FHIT: variants seen among roughly 807,000 people sequenced by gnomAD.
The protein encoded by FHIT is bis(5'-adenosyl)-triphosphatase.
Under a neutral mutation model 17.9 loss-of-function variants are expected in FHIT, and 19 were observed. The ratio of observed to expected loss-of-function variants is 1.06; its 90% CI spans 0.74 to 1.56. The LOEUF is 1.56. Among genes scored for constraint, FHIT ranks in the 40% most tolerant of loss-of-function variants. The pLI, the probability that FHIT is intolerant of heterozygous loss-of-function variation, is 0.00. For missense variants in FHIT, 248 were observed against 189.2 expected, an observed-to-expected ratio of 1.31 and a Z score of -1.82; for synonymous variants, 81 against 69.7, an observed-to-expected ratio of 1.16 and a Z score of -0.81.
In FHIT at chr3:60,293,695, T is replaced by C. The variant is rs56118963; in HGVS notation, c.103+243165A>G. Among the ~76,000 whole-genome samples, 1,066 of 152,238 alleles carry C rather than the reference T, an allele frequency of 7.0e-3. 3 individuals are homozygous for C. Among genetic ancestry groups the C allele is most frequent in the Admixed American group, 0.012 (180 of 15,272 alleles). On this transcript the variant is annotated intron_variant, in intron 5 of 9. Transcript: ENST00000492590. ...TGAGAAAGTGTAGCTCTTAGGCTTT[T>C]CCTCTCCGAGGATTTAGGGAAAATC... is the stretch of plus-strand genomic sequence containing the variant.
intron 5 of FHIT, among the ~76,000 whole-genome samples, chr3:60,159,030 A>G (rs1700825702): frequency 6.6e-6 from 1 of 151,918 alleles, no homozygotes; most frequent in Non-Finnish European, 1.5e-5. Context: ...ATGTTTGCTA[A>G]CCTTTTTCAT....
At chr3:60,009,934 A>G (rs1700076281) in intron 7 of FHIT, among the ~76,000 whole-genome samples, 1 of 152,186 alleles carries the variant, frequency 6.6e-6, no homozygotes, top group South Asian at 2.1e-4. Context: ...TATTCATATA[A>G]GTTTTAGCTA....
At chr3:60,158,376 A>G (rs1700797815) in intron 5 of FHIT, among the ~76,000 whole-genome samples, 1 of 151,884 alleles carries the variant, frequency 6.6e-6, no homozygotes, top group Non-Finnish European at 1.5e-5. Flanking sequence ...CAATGGCGCA[A>G]TCTCTGTGCA....
chr3:60,050,103 T>C (rs1701811734), intron 5 of FHIT, among the ~76,000 whole-genome samples: 1 of 152,198 alleles, frequency 6.6e-6, no homozygotes, highest in Non-Finnish European at 1.5e-5. Flanking sequence ...TCTTTGCTTA[T>C]TAAAAATTTT....
intron 8 of FHIT, among the ~76,000 whole-genome samples, chr3:59,832,215 A>G (rs1310354278): frequency 6.6e-6 from 1 of 152,160 alleles, no homozygotes; most frequent in Non-Finnish European, 1.5e-5. Context: ...ACTATTGAGT[A>G]CTGTCCCTCA....
intron 8 of FHIT, among the ~76,000 whole-genome samples, chr3:59,863,362 T>C (rs646372): frequency 0.55 from 83,505 of 152,072 alleles, 24,299 homozygotes; most frequent in African/African-American, 0.75. Flanking sequence ...GCTGAAAGCA[T>C]TCAAAACCAT....
chr3:60,810,077 C>T (rs1022054031), intron 4 of FHIT, among the ~76,000 whole-genome samples: 4 of 152,184 alleles, frequency 2.6e-5, no homozygotes, highest in Non-Finnish European at 4.4e-5. Flanking sequence ...GCAGAGATTT[C>T]GCAAGACTAA....
intron 7 of FHIT, among the ~76,000 whole-genome samples, chr3:59,931,312 C>T (rs6783730): frequency 0.99 from 150,612 of 152,336 alleles, 74,479 homozygotes; most frequent in Middle Eastern, 1. Context: ...GGCTGGATTT[C>T]GCCTTTCTTG....
intron 5 of FHIT, among the ~76,000 whole-genome samples, chr3:60,217,554 T>G (rs535428194): frequency 1.8e-4 from 28 of 152,280 alleles, no homozygotes; most frequent in African/African-American, 6.7e-4. Flanking sequence ...AACACCCCCT[T>G]TCTAAATCCA....
At position 60,173,902 on chromosome 3, in the gene FHIT, TA is replaced by T. The variant is rs1559698537; in HGVS notation, c.104-159751del. On this transcript the variant is annotated intron_variant, in intron 5 of 9. Transcript: ENST00000492590. The stretch of plus-strand genomic sequence containing the variant: ...TGTTTCTAATATATATATATATATA[TA>T]TATATATATATATGTTTTTTTTTTT... Among the ~76,000 whole-genome samples, 26 of 76,730 alleles carry T rather than the reference TA, an allele frequency of 3.4e-4. 4 individuals are homozygous for T. In the East Asian group the frequency reaches 0.013, roughly 40 times the overall value. The allele number at this position is 76,730 out of a possible 152,430, so 50.3% of individuals were successfully genotyped here.
intron 1 of FHIT, among the ~76,000 whole-genome samples, chr3:61,249,161 T>C (rs1306575284): frequency 6.6e-6 from 1 of 152,198 alleles, no homozygotes; most frequent in Non-Finnish European, 1.5e-5. Flanking sequence ...GCTACACATC[T>C]GGTGTTCCTG....
intron 4 of FHIT, among the ~76,000 whole-genome samples, chr3:60,607,211 C>A (rs1344426965): frequency 5.3e-5 from 8 of 152,038 alleles, no homozygotes; most frequent in African/African-American, 1.9e-4. Flanking sequence ...CAGCTGAAAA[C>A]CACCAGGGTT....
At chr3:60,507,890 A>G (rs754601700) in intron 5 of FHIT, among the ~76,000 whole-genome samples, 2 of 152,212 alleles carry the variant, frequency 1.3e-5, no homozygotes, top group Non-Finnish European at 2.9e-5. Context: ...TCCATGGTGT[A>G]TATGTACAAC....
chr3:60,290,214 A>G (rs186567655), intron 5 of FHIT, among the ~76,000 whole-genome samples: 2 of 152,244 alleles, frequency 1.3e-5, no homozygotes, highest in East Asian at 1.9e-4. Context: ...AAAAAATAAG[A>G]TGGGTTTTGG....
intron 7 of FHIT, among the ~76,000 whole-genome samples, chr3:59,932,960 G>A (rs749008304): frequency 6.6e-6 from 1 of 151,960 alleles, no homozygotes; most frequent in Non-Finnish European, 1.5e-5. Context: ...TAGATATTTT[G>A]CACCCGGCTC....
chr3:61,149,762 C>T (rs1190866501), intron 2 of FHIT, among the ~76,000 whole-genome samples: 1 of 151,992 alleles, frequency 6.6e-6, no homozygotes, highest in East Asian at 1.9e-4. Flanking sequence ...CACCTGTAGC[C>T]TCAGCTACTC....
intron 4 of FHIT, among the ~76,000 whole-genome samples, chr3:60,698,656 T>C (rs1457120869): frequency 2.6e-5 from 4 of 152,166 alleles, no homozygotes; most frequent in Admixed American, 2.6e-4. Context: ...ACTTGCACTA[T>C]TAAGACTATT....
intron 2 of FHIT, among the ~76,000 whole-genome samples, chr3:61,158,884 C>A (rs988779164): frequency 1.3e-5 from 2 of 152,164 alleles, no homozygotes. Flanking sequence ...CTCTAGCAGT[C>A]CATTAGAAGA....
At chr3:60,884,600 G>C (rs1304301440) in intron 3 of FHIT, among the ~76,000 whole-genome samples, 2 of 151,988 alleles carry the variant, frequency 1.3e-5, no homozygotes, top group African/African-American at 4.8e-5. Context: ...CAGCAACATG[G>C]AACTGGAGGT....
Sources: allele counts gnomAD v4.1 joint callset (sites outside exome capture counted in the v4.1 genomes callset), GRCh38; gene constraint gnomAD v4.1.1; transcripts MANE v1.5; gene names NCBI Gene and HGNC (gene_info 2026-07-23, HGNC 2026-07-21).